NOVA1: variants seen among roughly 807,000 people sequenced by gnomAD.
NOVA1 encodes the protein RNA-binding protein Nova-1.
In NOVA1, 7 loss-of-function variants were observed where a neutral mutation model predicts 38.0. That is an observed-to-expected ratio of 0.18 (90% CI 0.10 to 0.35). The LOEUF is 0.35. Ranked by LOEUF, NOVA1 falls within the 10% of genes least tolerant of loss-of-function variation. The pLI is 1.00. For synonymous variants in NOVA1, 270 were observed against 232.5 expected (o/e 1.16, Z -1.47); for missense variants, 460 against 616.0 (o/e 0.75, Z 2.68).
At chr14:26,575,419 C>A (rs1162884558) in intron 2 of NOVA1, among the ~76,000 whole-genome samples, 2 of 152,074 alleles carry the variant, frequency 1.3e-5, no homozygotes. Flanking sequence ...TAAGTCAACA[C>A]TAAGGGATGA....
At chr14:26,486,695 T>TGAAAA (rs1885922525) in intron 2 of NOVA1, among the ~76,000 whole-genome samples, 1 of 4,054 alleles carries the variant, frequency 2.5e-4, no homozygotes, top group Admixed American at 5.1e-3. Flanking sequence ...GGTGACAGAC[T>TGAAAA]CAAAAAAAAA....
At chr14:26,533,509 A>G (rs887430748) in intron 2 of NOVA1, among the ~76,000 whole-genome samples, 1 of 152,194 alleles carries the variant, frequency 6.6e-6, no homozygotes, top group African/African-American at 2.4e-5. Flanking sequence ...TACAGCTTCT[A>G]ATTTGTATAC....
At chr14:26,491,817 A>AC (rs1166130133) in intron 2 of NOVA1, among the ~76,000 whole-genome samples, 1 of 151,674 alleles carries the variant, frequency 6.6e-6, no homozygotes, top group East Asian at 1.9e-4. Context: ...ACAGTACCAG[A>AC]CTCTTTTGGT....
At chr14:26,587,708 GAATT>G (rs888117886) in intron 2 of NOVA1, among the ~76,000 whole-genome samples, 6 of 151,074 alleles carry the variant, frequency 4.0e-5, no homozygotes, top group Non-Finnish European at 7.4e-5. Context: ...GGTATTTCAA[GAATT>G]AATATGACCA....
At position 26,452,549 on chromosome 14, in the gene NOVA1, C is replaced by T. The variant is rs572749999; in HGVS notation, c.520-3586G>A. Among the ~76,000 whole-genome samples, 3 of 152,228 alleles carry T rather than the reference C, an allele frequency of 2.0e-5. No homozygotes were observed. In the South Asian group the frequency reaches 6.2e-4, roughly 32 times the overall value. ...CTGTATACTGATAGTATTTAAATTC[C>T]AACTGAAACGACAAATAGCAAATTC... On this transcript the variant is annotated intron_variant, in intron 4 of 4. Coordinates refer to ENST00000539517, the MANE Select transcript of NOVA1 (RefSeq NM_002515.3).
intron 4 of NOVA1, among the ~76,000 whole-genome samples, chr14:26,460,075 A>AT (rs1187883040): frequency 6.6e-6 from 1 of 151,964 alleles, no homozygotes; most frequent in Non-Finnish European, 1.5e-5. Flanking sequence ...GGCAATACTT[A>AT]TTTTAAAAAA....
At chr14:26,591,434 T>A (rs1211352742) in intron 2 of NOVA1, among the ~76,000 whole-genome samples, 1 of 151,698 alleles carries the variant, frequency 6.6e-6, no homozygotes, top group East Asian at 1.9e-4. Context: ...CATTTTATTT[T>A]CTGTACTTGT....
intron 4 of NOVA1, among the ~76,000 whole-genome samples, chr14:26,453,249 C>T (rs1882878298): frequency 6.6e-6 from 1 of 151,702 alleles, no homozygotes; most frequent in African/African-American, 2.4e-5. Context: ...CCTTTGCCAC[C>T]CAGGCTGGAG....
chr14:26,585,031 T>A (rs1893435622), intron 2 of NOVA1, among the ~76,000 whole-genome samples: 1 of 151,462 alleles, frequency 6.6e-6, no homozygotes, highest in Non-Finnish European at 1.5e-5. Flanking sequence ...CTGTTCTCCA[T>A]TACTTTTTAA....
Position 26,480,022 on chromosome 14 carries a change from G to A in NOVA1, c.402C>T (p.Ser134=). 6.2e-7 allele frequency: 1 copy of A among 1,613,994 alleles called. No homozygotes were observed. The highest frequency in any genetic ancestry group is 8.5e-7 in the Non-Finnish European group (1 of 1,179,974). The change falls in exon 3 of 5, where the codon AGC becomes AGT. Residue 134 remains serine, a synonymous_variant. Coordinates refer to ENST00000539517, the MANE Select transcript of NOVA1 (RefSeq NM_002515.3). ...PQNVAKTEPV[S]ILQPQTTVNP... is the part of the protein sequence containing the mutation. ...TAACGGTGGTCTGGGGTTGTAGAAT[G>A]CTGACTGGTTCTGTCTTGGCCACAT...
intron 1 of NOVA1, 51 bp downstream of exon 1, chr14:26,597,237 AGGGAGGGAGGCAG>A: frequency 1.3e-6 from 1 of 762,978 alleles, no homozygotes; most frequent in Non-Finnish European, 1.5e-6. Flanking sequence ...GAGGACGGCG[AGGGAGGGAGGCAG>A]GGGCGGGCGG....
chr14:26,469,630 A>G (rs1216981912), intron 4 of NOVA1, among the ~76,000 whole-genome samples: 1 of 152,188 alleles, frequency 6.6e-6, no homozygotes, highest in African/African-American at 2.4e-5. Flanking sequence ...AAGGTAACAC[A>G]CAAGACTGGA....
intron 3 of NOVA1, among the ~76,000 whole-genome samples, chr14:26,476,096 T>G (rs1185078885): frequency 6.6e-6 from 1 of 152,220 alleles, no homozygotes; most frequent in Non-Finnish European, 1.5e-5. Context: ...AACATTTGTA[T>G]ACATACTGTA....
chr14:26,487,877 A>C (rs140696372), intron 2 of NOVA1, among the ~76,000 whole-genome samples: 1 of 152,140 alleles, frequency 6.6e-6, no homozygotes, highest in Non-Finnish European at 1.5e-5. Flanking sequence ...GCTATTAGTA[A>C]GATTTTTTAG....
At chr14:26,583,898 C>CAT (rs1314454354) in intron 2 of NOVA1, among the ~76,000 whole-genome samples, 9 of 145,568 alleles carry the variant, frequency 6.2e-5, no homozygotes, top group African/African-American at 2.2e-4. Context: ...CACACACACA[C>CAT]ACACACACAC....
At chr14:26,460,444 C>T (rs1883560543) in intron 4 of NOVA1, among the ~76,000 whole-genome samples, 1 of 151,726 alleles carries the variant, frequency 6.6e-6, no homozygotes, top group Non-Finnish European at 1.5e-5. Context: ...ATAAAATATA[C>T]TAATTTTTAA....
chr14:26,470,462 C>T (rs1162199009), intron 4 of NOVA1: 2 of 1,559,318 alleles, frequency 1.3e-6, no homozygotes, highest in Non-Finnish European at 1.8e-6. Flanking sequence ...TTATATCTTG[C>T]TTCATGATAT....
At chr14:26,477,907 TGTAA>T in intron 3 of NOVA1, among the ~76,000 whole-genome samples, 1 of 152,028 alleles carries the variant, frequency 6.6e-6, no homozygotes, top group East Asian at 1.9e-4. Context: ...AAAGAAAATA[TGTAA>T]GTGTTAAATA....
chr14:26,588,554 T>C (rs1317611652), intron 2 of NOVA1: 1 of 151,434 alleles, frequency 6.6e-6, no homozygotes, highest in African/African-American at 2.4e-5. Context: ...TGGATATCCA[T>C]ACAGTGGTGT....
Sources: gnomAD v4.1 joint callset for allele counts (sites outside exome capture counted in the v4.1 genomes callset) on GRCh38, gnomAD v4.1.1 for gene constraint, MANE v1.5 for transcripts, NCBI Gene and HGNC (gene_info 2026-07-23, HGNC 2026-07-21) for gene names.